The following IRAK2 variants were observed in gnomAD, a reference collection of about 807,000 sequenced individuals.
The protein encoded by IRAK2 is interleukin 1 receptor associated kinase 2.
Under a neutral mutation model 72.0 loss-of-function variants are expected in IRAK2, and 57 were observed. The ratio of observed to expected loss-of-function variants is 0.79; its 90% CI spans 0.64 to 0.99. The LOEUF is 0.99. IRAK2 is among the 50% of genes least tolerant of loss of function. IRAK2 has a pLI of 0.00. For synonymous variants in IRAK2, 293 were observed against 312.7 expected, an observed-to-expected ratio of 0.94 and a Z score of 0.67; for missense variants, 790 against 794.4, an observed-to-expected ratio of 0.99 and a Z score of 0.07.
At chr3:10,207,888 A>G (rs1697455847) in intron 3 of IRAK2, among the ~76,000 whole-genome samples, 1 of 150,254 alleles carries the variant, frequency 6.7e-6, no homozygotes, top group Non-Finnish European at 1.5e-5. Context: ...GCTACTTCGT[A>G]GGCTGAGGCA....
At chr3:10,236,367 T>TA (rs1553626654) in intron 11 of IRAK2, among the ~76,000 whole-genome samples, 5 of 146,346 alleles carry the variant, frequency 3.4e-5, no homozygotes, top group Non-Finnish European at 5.9e-5. Flanking sequence ...TTTTTTTTTT[T>TA]AACAGAATCT....
At chr3:10,218,402 C>T (rs552653865) in intron 7 of IRAK2, among the ~76,000 whole-genome samples, 158 of 132,332 alleles carry the variant, frequency 1.2e-3, no homozygotes, top group African/African-American at 4.2e-3. Context: ...CCAGCCTGGG[C>T]GACAAAGTGA....
intron 8 of IRAK2, among the ~76,000 whole-genome samples, chr3:10,221,726 C>T (rs1697696289): frequency 6.6e-6 from 1 of 152,012 alleles, no homozygotes; most frequent in African/African-American, 2.4e-5. Flanking sequence ...GAGGTCTTGC[C>T]ATGCTGCCCA....
chr3:10,168,853 G>A lies in IRAK2; in HGVS notation c.94+3805G>A, dbSNP rs57963656. 1.2e-3 allele frequency among the ~76,000 whole-genome samples: 188 copies of A among 152,210 alleles called. 6 individuals carry two copies. The East Asian group carries it at 0.031, about 25-fold the overall frequency. On this transcript the variant is annotated intron_variant, in intron 1 of 12. Coordinates refer to ENST00000256458, the MANE Select transcript of IRAK2 (RefSeq NM_001570.4). ...AGGTGCTGTTCCCTCTGCCTGGGAC[G>A]TTCTTCCCCCTGTGTTACCTGGGGC...
intron 10 of IRAK2, among the ~76,000 whole-genome samples, chr3:10,231,117 ATTATT>A (rs1419308071): frequency 6.6e-6 from 1 of 152,038 alleles, no homozygotes; most frequent in East Asian, 1.9e-4. Flanking sequence ...TGATATTGCT[ATTATT>A]TTAACAGCTT....
At position 10,170,850 on chromosome 3, in the gene IRAK2, G is replaced by A. The variant is rs188003667; in HGVS notation, c.94+5802G>A. ...CGGTGCCTCCGGCCCACTGCTCCTC[G>A]CCCAGTCCCAGTGCTCCAGTTCCCT... On this transcript the variant is annotated intron_variant, in intron 1 of 12. Transcript: ENST00000256458. Among the ~76,000 whole-genome samples, 435 of 152,312 alleles carry A rather than the reference G, an allele frequency of 2.9e-3. 3 individuals carry two copies. The highest frequency in any genetic ancestry group is 9.9e-3 in the African/African-American group (413 of 41,562).
intron 3 of IRAK2, among the ~76,000 whole-genome samples, chr3:10,206,448 C>G (rs1015393606): frequency 6.6e-6 from 1 of 152,234 alleles, no homozygotes; most frequent in Non-Finnish European, 1.5e-5. Context: ...AGGGCAGCCC[C>G]TTGACAGGCT....
At position 10,222,796 on chromosome 3, in the gene IRAK2, C is replaced by G. The variant is rs3844283; in HGVS notation, c.1174C>G (p.Leu392Val). The part of the protein sequence containing the change: ...LPEDFIRVGQ[L>V]TKRVDIFSCG... ...AGAGGATTTCATCCGGGTGGGGCAG[C>G]TGACAAAGCGAGTGGACATCTTCAG... Residue 392 changes from leucine (L) to valine (V), a missense_variant, in exon 9 of 13, where the codon CTG (leucine) becomes GTG (valine). Physicochemically the swap from Leu to Val is conservative, Grantham distance 32. Transcript: ENST00000256458. The G allele has an allele frequency of 0.4, 638,895 of 1,613,594 alleles. 131,008 individuals are homozygous for G. The highest frequency in any genetic ancestry group is 0.46 in the Admixed American group (27,507 of 59,992).
intron 9 of IRAK2, among the ~76,000 whole-genome samples, chr3:10,225,404 C>T (rs1252546374): frequency 6.6e-6 from 1 of 152,152 alleles, no homozygotes; most frequent in Non-Finnish European, 1.5e-5. Flanking sequence ...GACTGTAGAG[C>T]CCTTAGCCAT....
intron 1 of IRAK2, among the ~76,000 whole-genome samples, chr3:10,169,430 T>C (rs1304074755): frequency 6.6e-6 from 1 of 152,170 alleles, no homozygotes; most frequent in African/African-American, 2.4e-5. Context: ...TGGCCATTTA[T>C]AGACCTACCC....
rs150100488 is a variant in IRAK2 at position 10,238,991 on chromosome 3, G to T, written c.1717G>T (p.Ala573Ser). Reference protein sequence around the residue: ...GRLRVIVGREADSSSEACVGL... With the variant: ...GRLRVIVGRESDSSSEACVGL... ...GCTGCGGGTCATCGTGGGAAGGGAG[G>T]CTGACTCCTCCTCTGAGGCCTGTGT... The change falls in exon 12 of 13, where the codon GCT becomes TCT. Residue 573 changes from alanine (A) to serine (S), a missense_variant. Transcript: ENST00000256458. The T allele has an allele frequency of 5.1e-4, 829 of 1,613,384 alleles. 3 individuals are homozygous for T. Among genetic ancestry groups the T allele is most frequent in the Non-Finnish European group, 6.6e-4 (773 of 1,179,784 alleles).
In IRAK2 at chr3:10,177,827, G is replaced by C. The variant is rs367713180; in HGVS notation, c.95-11G>C. The C allele has an allele frequency of 1.2e-6, 2 of 1,610,634 alleles. No individual in the cohort carries two copies. The highest frequency in any genetic ancestry group is 1.7e-6 in the Non-Finnish European group (2 of 1,179,894). On this transcript the variant is annotated splice_polypyrimidine_tract_variant and intron_variant, in intron 1 of 12. Transcript: ENST00000256458. ...TCTGACTCTAAGCAGAGTTCTCTCCGTCCCTTCCAGCCTCCTACGTGATCA... is the reference window on the plus strand; with the variant it reads ...TCTGACTCTAAGCAGAGTTCTCTCCCTCCCTTCCAGCCTCCTACGTGATCA...
At chr3:10,193,709 C>A (rs1013143668) in intron 2 of IRAK2, among the ~76,000 whole-genome samples, 4 of 152,246 alleles carry the variant, frequency 2.6e-5, no homozygotes, top group African/African-American at 9.6e-5. Context: ...TATAGATTAG[C>A]TGTTCCTTCC....
chr3:10,235,864 G>A (rs1328462406), intron 11 of IRAK2, among the ~76,000 whole-genome samples: 3 of 152,138 alleles, frequency 2.0e-5, no homozygotes, highest in African/African-American at 7.2e-5. Flanking sequence ...GCGCTGTCAC[G>A]TGGCAGGAGC....
intron 2 of IRAK2, among the ~76,000 whole-genome samples, chr3:10,189,315 T>A (rs1697136912): frequency 6.6e-6 from 1 of 151,226 alleles, no homozygotes; most frequent in Non-Finnish European, 1.5e-5. Context: ...GGCCTGGGGG[T>A]GGGCTGAGGC....
intron 2 of IRAK2, among the ~76,000 whole-genome samples, chr3:10,184,874 C>T (rs186005296): frequency 7.3e-5 from 11 of 150,050 alleles, no homozygotes; most frequent in Admixed American, 5.3e-4. Flanking sequence ...GGACTACAGG[C>T]GCCCGCCACC....
At chr3:10,173,168 C>T (rs1284403312) in intron 1 of IRAK2, among the ~76,000 whole-genome samples, 1 of 152,032 alleles carries the variant, frequency 6.6e-6, no homozygotes, top group Non-Finnish European at 1.5e-5. Context: ...GAAACTGAGG[C>T]TCAGGGGGAG....
intron 2 of IRAK2, among the ~76,000 whole-genome samples, chr3:10,181,303 T>C (rs1410546669): frequency 6.6e-6 from 1 of 151,700 alleles, no homozygotes; most frequent in Non-Finnish European, 1.5e-5. Flanking sequence ...GGAGTGACTT[T>C]GTGTTAAAAA....
At chr3:10,179,251 T>C (rs929332485) in intron 2 of IRAK2, among the ~76,000 whole-genome samples, 1 of 151,932 alleles carries the variant, frequency 6.6e-6, no homozygotes, top group Non-Finnish European at 1.5e-5. Flanking sequence ...GATGTGTTTA[T>C]GTTCCTTCTA....
Sources: allele counts gnomAD v4.1 joint callset (sites outside exome capture counted in the v4.1 genomes callset), GRCh38; gene constraint gnomAD v4.1.1; transcripts MANE v1.5; gene names NCBI Gene and HGNC (gene_info 2026-07-23, HGNC 2026-07-21).